The following RB1 variants were observed in gnomAD, a reference collection of about 807,000 sequenced individuals.
RB1 encodes the protein RB transcriptional corepressor 1.
A neutral mutation model predicts 135.4 loss-of-function variants in RB1; 18 were observed. The observed-to-expected ratio is 0.13, with a 90% CI of 0.09 to 0.20. The LOEUF (loss-of-function observed/expected upper bound fraction) is 0.20. Ranked by LOEUF, RB1 falls within the 10% of genes least tolerant of loss-of-function variation. The pLI, the probability that RB1 is intolerant of heterozygous loss-of-function variation, is 1.00. For missense variants in RB1, 868 were observed against 1,110.0 expected (o/e 0.78, Z 3.10); for synonymous variants, 365 against 373.2 (o/e 0.98, Z 0.25).
intron 17 of RB1, chr13:48,408,578 A>T (rs1028622806): frequency 3.9e-5 from 6 of 152,118 alleles, no homozygotes; most frequent in Admixed American, 3.3e-4. Flanking sequence ...GGTTTTTCTG[A>T]ATAAAGGGGG....
intron 10 of RB1, among the ~76,000 whole-genome samples, chr13:48,368,111 G>A (rs181373999): frequency 1.3e-3 from 199 of 152,212 alleles, no homozygotes; most frequent in African/African-American, 4.4e-3. Flanking sequence ...GAAAATATGC[G>A]TAATTTAGAA....
chr13:48,456,879 A>G (rs1404040715), intron 19 of RB1, among the ~76,000 whole-genome samples: 1 of 152,238 alleles, frequency 6.6e-6, no homozygotes, highest in Non-Finnish European at 1.5e-5. Context: ...GGCTCCCAGA[A>G]GCTTGGAGAC....
At chr13:48,404,557 C>A (rs1189100592) in intron 17 of RB1, among the ~76,000 whole-genome samples, 1 of 151,824 alleles carries the variant, frequency 6.6e-6, no homozygotes, top group Non-Finnish European at 1.5e-5. Context: ...ATGACAGTCT[C>A]GCTCTGTCGC....
At chr13:48,347,010 G>C (rs569359102) in intron 4 of RB1, among the ~76,000 whole-genome samples, 1 of 151,572 alleles carries the variant, frequency 6.6e-6, no homozygotes, top group East Asian at 1.9e-4. Flanking sequence ...AGTGATTTGG[G>C]GTACAGTTCT....
Position 48,465,607 on chromosome 13 carries a change from C to T in RB1, c.2489+239C>T, listed in dbSNP as rs545186834. Among the ~76,000 whole-genome samples the T allele has an allele frequency of 2.5e-4, 38 of 152,110 alleles. No individual in the cohort carries two copies. In the South Asian group the frequency reaches 7.1e-3, roughly 28 times the overall value. On this transcript the variant is annotated intron_variant, in intron 23 of 26. Transcript: ENST00000267163. ...GGTCTACAGCTCCCAGCGTGAGCGACGCAGAAGACGGGTGATTTCTGCATT... is the reference window on the plus strand; with the variant it reads ...GGTCTACAGCTCCCAGCGTGAGCGATGCAGAAGACGGGTGATTTCTGCATT...
intron 14 of RB1, 55 bp from the exon 15 acceptor site, chr13:48,379,998 A>G: frequency 2.6e-6 from 3 of 1,162,108 alleles, no homozygotes; most frequent in Non-Finnish European, 3.5e-6. Context: ...ATGCTGACAC[A>G]AATAAGGTTT....
intron 17 of RB1, among the ~76,000 whole-genome samples, chr13:48,389,120 C>T (rs755691428): frequency 1.3e-5 from 2 of 151,956 alleles, no homozygotes; most frequent in Non-Finnish European, 2.9e-5. Flanking sequence ...GATTGTGCCA[C>T]TGCACTCCAG....
chr13:48,480,166 C>A lies in RB1; in HGVS notation c.*95C>A, dbSNP rs1949529779. The A allele has an allele frequency of 9.9e-7, 1 of 1,008,236 alleles. No individual in the cohort carries two copies. Among genetic ancestry groups the A allele is most frequent in the East Asian group, 2.6e-5 (1 of 39,034 alleles). The allele number at this position is 1,008,236 out of a possible 1,614,324, so 62.5% of individuals were successfully genotyped here. A position where few individuals can be genotyped will look rare whatever the true frequency, so the allele number is the denominator to read the frequency against. On this transcript the variant is annotated 3_prime_UTR_variant, in exon 27 of 27. Coordinates refer to ENST00000267163, the MANE Select transcript of RB1 (RefSeq NM_000321.3). The stretch of plus-strand genomic sequence containing the variant: ...AACTTTCCCAGGTTCTGTTTATGGC[C>A]ACATTTAATATCTTCAGCTCTTTTT...
At chr13:48,342,909 G>A (rs1593434544) in intron 3 of RB1, among the ~76,000 whole-genome samples, 195 bp downstream of exon 3, 1 of 152,056 alleles carries the variant, frequency 6.6e-6, no homozygotes, top group Non-Finnish European at 1.5e-5. Flanking sequence ...TTCTTTAAGA[G>A]GTAGCAGTTT....
At chr13:48,398,374 T>G (rs1948664426) in intron 17 of RB1, among the ~76,000 whole-genome samples, 1 of 152,114 alleles carries the variant, frequency 6.6e-6, no homozygotes, top group Non-Finnish European at 1.5e-5. Context: ...ACTTCATTAT[T>G]CAAAACTGAA....
chr13:48,397,678 A>G (rs1948659498), intron 17 of RB1, among the ~76,000 whole-genome samples: 1 of 148,964 alleles, frequency 6.7e-6, no homozygotes, highest in Non-Finnish European at 1.5e-5. Flanking sequence ...TATCTTTCAA[A>G]TTATCTTTTC....
At position 48,319,022 on chromosome 13, in the gene RB1, C is replaced by T. The variant is rs1952211480; in HGVS notation, c.264+11616C>T. 9 of 682,618 alleles carry T rather than the reference C, an allele frequency of 1.3e-5. No individual in the cohort carries two copies. Among genetic ancestry groups the T allele is most frequent in the South Asian group, 1.1e-4 (8 of 70,466 alleles). The allele number at this position is 682,618 out of a possible 1,614,324, so 42.3% of individuals were successfully genotyped here. On this transcript the variant is annotated intron_variant, in intron 2 of 26. Coordinates refer to ENST00000267163, the MANE Select transcript of RB1 (RefSeq NM_000321.3). The surrounding 1 kb of genome is among the most constrained non-coding windows in gnomAD (Gnocchi z 5.0). ...GGCCGGCAGGGTAGTCTTGGAAATGCCCAAGATTGCTTCCGCGCGCGTCAG... is the reference window on the plus strand; with the variant it reads ...GGCCGGCAGGGTAGTCTTGGAAATGTCCAAGATTGCTTCCGCGCGCGTCAG...
At chr13:48,453,678 C>A (rs1949343017) in intron 18 of RB1, among the ~76,000 whole-genome samples, 1 of 152,138 alleles carries the variant, frequency 6.6e-6, no homozygotes, top group South Asian at 2.1e-4. Flanking sequence ...GGAGAGAGAT[C>A]TGTGCCTTTC....
chr13:48,474,431 G>A (rs1472996094), intron 24 of RB1, among the ~76,000 whole-genome samples: 3 of 152,004 alleles, frequency 2.0e-5, no homozygotes, highest in Non-Finnish European at 1.5e-5. Context: ...CAGGAACCAG[G>A]GACAAAGACC....
chr13:48,466,036 C>G (rs1006713138), intron 23 of RB1, among the ~76,000 whole-genome samples: 3 of 150,308 alleles, frequency 2.0e-5, no homozygotes, highest in African/African-American at 7.3e-5. Context: ...CCGGGAAGCT[C>G]GAACTGGGTG....
At chr13:48,453,680 G>A (rs1157608980) in intron 18 of RB1, among the ~76,000 whole-genome samples, 1 of 152,202 alleles carries the variant, frequency 6.6e-6, no homozygotes, top group African/African-American at 2.4e-5. Context: ...AGAGAGATCT[G>A]TGCCTTTCTC....
chr13:48,346,099 C>CTTTTTTTTTTTTTTT (rs35882805), intron 4 of RB1, among the ~76,000 whole-genome samples: 2 of 117,136 alleles, frequency 1.7e-5, no homozygotes, highest in African/African-American at 6.5e-5. Context: ...CATTGGCCAT[C>CTTTTTTTTTTTTTTT]TTTTTTTTTT....
chr13:48,417,801 A>T (rs112385402), intron 17 of RB1, among the ~76,000 whole-genome samples: 1,903 of 152,324 alleles, frequency 0.012, 43 homozygotes, highest in African/African-American at 0.039. Flanking sequence ...ACCTTTATGA[A>T]ATAAAGTGTG....
chr13:48,431,740 G>T (rs946504068), intron 17 of RB1, among the ~76,000 whole-genome samples: 24 of 152,288 alleles, frequency 1.6e-4, no homozygotes, highest in African/African-American at 5.3e-4. Context: ...GCCGTTTGTT[G>T]TTGTTTTAGT....
Sources: gnomAD v4.1 joint callset for allele counts (sites outside exome capture counted in the v4.1 genomes callset) on GRCh38, gnomAD v4.1.1 for gene constraint, Gnocchi (gnomAD v3.1) non-coding constraint, MANE v1.5 for transcripts, NCBI Gene and HGNC (gene_info 2026-07-23, HGNC 2026-07-21) for gene names.